Variants in GPC5 observed in about 807,000 individuals in gnomAD.
GPC5 encodes the protein glypican 5.
A neutral mutation model predicts 53.9 loss-of-function variants in GPC5; 47 were observed. The observed-to-expected ratio is 0.87, with a 90% CI of 0.69 to 1.11. The LOEUF is 1.11. Ranked by LOEUF, GPC5 falls within the 50% of genes most tolerant of loss-of-function variation. The pLI is 0.00. For missense variants in GPC5, 748 were observed against 713.1 expected, an observed-to-expected ratio of 1.05 and a Z score of -0.56; for synonymous variants, 286 against 263.3, an observed-to-expected ratio of 1.09 and a Z score of -0.84.
chr13:92,784,435 C>T (rs1413046415), intron 7 of GPC5, among the ~76,000 whole-genome samples: 1 of 151,422 alleles, frequency 6.6e-6, no homozygotes, highest in Non-Finnish European at 1.5e-5. Context: ...AATTATTATA[C>T]TTCCAGATAT....
At chr13:91,436,749 T>A (rs747135046) in intron 1 of GPC5, among the ~76,000 whole-genome samples, 8 of 152,170 alleles carry the variant, frequency 5.3e-5, no homozygotes, top group Non-Finnish European at 7.4e-5. Context: ...CCTTATTAAC[T>A]TTCTGTGTCG....
chr13:92,457,105 G>C (rs1566598676), intron 7 of GPC5, among the ~76,000 whole-genome samples: 1 of 151,980 alleles, frequency 6.6e-6, no homozygotes, highest in Non-Finnish European at 1.5e-5. Flanking sequence ...TGCGGTATTT[G>C]GTTTTCTGTT....
chr13:92,312,455 GA>G (rs1368104595), intron 7 of GPC5, among the ~76,000 whole-genome samples: 4 of 152,124 alleles, frequency 2.6e-5, no homozygotes, highest in African/African-American at 9.7e-5. Flanking sequence ...AAAAAATAAT[GA>G]AAGGAGGTTG....
At chr13:92,398,284 C>G (rs1042761658) in intron 7 of GPC5, among the ~76,000 whole-genome samples, 2 of 150,522 alleles carry the variant, frequency 1.3e-5, no homozygotes, top group African/African-American at 4.9e-5. Context: ...AAAAAATTAG[C>G]CGGGCGTAGT....
chr13:91,503,602 A>G (rs997170561), intron 2 of GPC5, among the ~76,000 whole-genome samples: 1 of 151,526 alleles, frequency 6.6e-6, no homozygotes, highest in African/African-American at 2.4e-5. Flanking sequence ...CAACATGGTG[A>G]AACCCTGTCT....
intron 7 of GPC5, among the ~76,000 whole-genome samples, chr13:92,622,155 A>C (rs571128808): frequency 2.0e-5 from 3 of 152,108 alleles, no homozygotes; most frequent in African/African-American, 7.2e-5. Flanking sequence ...GAAAGTATGG[A>C]GGAAATAGTA....
At chr13:92,441,348 C>T (rs372309632) in intron 7 of GPC5, among the ~76,000 whole-genome samples, 160 of 152,296 alleles carry the variant, frequency 1.1e-3, no homozygotes, top group African/African-American at 3.7e-3. Flanking sequence ...GGACTACAGG[C>T]GTGAGCTACC....
chr13:92,568,330 A>C (rs1882922229), intron 7 of GPC5, among the ~76,000 whole-genome samples: 1 of 152,192 alleles, frequency 6.6e-6, no homozygotes, highest in South Asian at 2.1e-4. Flanking sequence ...AGTTCACCAT[A>C]CTTAGCTGAG....
At chr13:92,111,615 G>A (rs185968118) in intron 6 of GPC5, among the ~76,000 whole-genome samples, 8 of 151,612 alleles carry the variant, frequency 5.3e-5, no homozygotes, top group Admixed American at 3.3e-4. Flanking sequence ...CAATGCTATC[G>A]CATAAGTGCT....
intron 2 of GPC5, among the ~76,000 whole-genome samples, chr13:91,507,652 A>C (rs1885013620): frequency 6.6e-6 from 1 of 152,198 alleles, no homozygotes; most frequent in African/African-American, 2.4e-5. Flanking sequence ...GTGTGGGGAC[A>C]CAGAGCCAAA....
chr13:92,187,322 A>G (rs1593975054), intron 7 of GPC5, among the ~76,000 whole-genome samples: 1 of 152,192 alleles, frequency 6.6e-6, no homozygotes, highest in African/African-American at 2.4e-5. Context: ...TTCATTTGCT[A>G]TCTTTTAACA....
rs572048173 is a variant in GPC5, at chr13:91,488,175, C to T, written c.325+39253C>T. ...TGGCATATATGGTCATGATGATTTTCTCAGTATGAAGCATCTCCTAGGGCT... is the reference window on the plus strand; with the variant it reads ...TGGCATATATGGTCATGATGATTTTTTCAGTATGAAGCATCTCCTAGGGCT... On this transcript the variant is annotated intron_variant, in intron 2 of 7. Coordinates refer to ENST00000377067, the MANE Select transcript of GPC5 (RefSeq NM_004466.6). Among the ~76,000 whole-genome samples the T allele has an allele frequency of 2.0e-5, 3 of 152,216 alleles. No homozygotes were observed. The East Asian group carries it at 5.8e-4, about 29-fold the overall frequency.
intron 5 of GPC5, among the ~76,000 whole-genome samples, chr13:91,760,139 C>T (rs958103530): frequency 2.6e-5 from 4 of 151,934 alleles, no homozygotes; most frequent in South Asian, 2.1e-4. Context: ...TAAAAATTAA[C>T]GTTGTAAAAA....
chr13:92,402,348 C>T (rs763595527), intron 7 of GPC5, among the ~76,000 whole-genome samples: 61 of 152,268 alleles, frequency 4.0e-4, no homozygotes, highest in Non-Finnish European at 7.4e-4. Flanking sequence ...TGACATAGAA[C>T]CTTTTTTTCT....
At chr13:92,551,360 A>G (rs1472546256) in intron 7 of GPC5, among the ~76,000 whole-genome samples, 5 of 151,634 alleles carry the variant, frequency 3.3e-5, no homozygotes, top group African/African-American at 1.2e-4. Flanking sequence ...GTCTCCTTAA[A>G]TTTGTAAAAG....
chr13:92,388,964 G>A (rs1288918570), intron 7 of GPC5, among the ~76,000 whole-genome samples: 1 of 152,062 alleles, frequency 6.6e-6, no homozygotes, highest in Non-Finnish European at 1.5e-5. Flanking sequence ...CTTGTCTGAT[G>A]TTGATATTCT....
chr13:92,215,728 G>A (rs936935895), intron 7 of GPC5, among the ~76,000 whole-genome samples: 3 of 152,182 alleles, frequency 2.0e-5, no homozygotes, highest in Non-Finnish European at 4.4e-5. Flanking sequence ...GGGCTCTAAT[G>A]TGCTCTCTAG....
intron 4 of GPC5, among the ~76,000 whole-genome samples, chr13:91,753,233 T>A (rs1364052721): frequency 6.6e-6 from 1 of 152,148 alleles, no homozygotes; most frequent in Non-Finnish European, 1.5e-5. Context: ...GGCTAGAAAG[T>A]GATGTGTGCC....
intron 7 of GPC5, among the ~76,000 whole-genome samples, chr13:92,294,787 AGAT>A (rs1292805709): frequency 1.5e-5 from 2 of 134,534 alleles, no homozygotes; most frequent in Non-Finnish European, 3.2e-5. Flanking sequence ...GTGTGACCTT[AGAT>A]TATCTGTTTG....
Sources: gnomAD v4.1 joint callset for allele counts (sites outside exome capture counted in the v4.1 genomes callset) on GRCh38, gnomAD v4.1.1 for gene constraint, MANE v1.5 for transcripts, NCBI Gene and HGNC (gene_info 2026-07-23, HGNC 2026-07-21) for gene names.